SAMD12: variants seen among roughly 807,000 people sequenced by gnomAD.
The protein encoded by SAMD12 is sterile alpha motif domain-containing protein 12.
A neutral mutation model predicts 15.0 loss-of-function variants in SAMD12; 9 were observed. The ratio of observed to expected loss-of-function variants is 0.60; its 90% CI spans 0.36 to 1.05. SAMD12 has a LOEUF of 1.05. Ranked by LOEUF, SAMD12 falls within the 50% of genes least tolerant of loss-of-function variation. SAMD12 has a pLI of 0.01. For missense variants in SAMD12, 230 were observed against 234.2 expected (o/e 0.98, Z 0.12); for synonymous variants, 86 against 90.1 (o/e 0.96, Z 0.25).
intron 4 of SAMD12, among the ~76,000 whole-genome samples, chr8:118,222,840 T>C (rs2129878574): frequency 6.6e-6 from 1 of 152,250 alleles, no homozygotes; most frequent in Non-Finnish European, 1.5e-5. Context: ...GAGCTCTTGG[T>C]GGACTCCCAG....
At position 118,389,591 on chromosome 8, in the gene SAMD12, T is replaced by C. The variant is rs1467955738; in HGVS notation, c.323-9891A>G. Reference sequence around the variant, plus strand: ...TTAGCCAGGCATGGTGGTATGCACCTGTAGTTCCAGCTACTGGGGAGGCTG... The same window carrying C: ...TTAGCCAGGCATGGTGGTATGCACCCGTAGTTCCAGCTACTGGGGAGGCTG... On this transcript the variant is annotated intron_variant, in intron 3 of 3. Coordinates refer to ENST00000314727, the MANE Select transcript of SAMD12 (RefSeq NM_207506.3). 3.3e-5 allele frequency among the ~76,000 whole-genome samples: 5 copies of C among 152,124 alleles called. No homozygotes were observed. In the East Asian group the frequency reaches 9.7e-4, roughly 29 times the overall value.
intron 2 of SAMD12, among the ~76,000 whole-genome samples, chr8:118,504,888 C>T (rs1218604366): frequency 6.6e-6 from 1 of 152,184 alleles, no homozygotes; most frequent in East Asian, 1.9e-4. Context: ...GAAGGTCCAG[C>T]CACAAGCACA....
At chr8:118,302,078 G>GTATTTTTTTTTTT (rs1815063645) in intron 4 of SAMD12, among the ~76,000 whole-genome samples, 1 of 74,692 alleles carries the variant, frequency 1.3e-5, no homozygotes, top group African/African-American at 7.0e-5. Context: ...ATCTTTGAGA[G>GTATTTTTTTTTTT]TTTTTTTTTT....
Position 118,278,209 on chromosome 8 carries a change from C to T in SAMD12, c.434-80477G>A, listed in dbSNP as rs557232932. ...TAAGTCTTTCATAAAAATCTCCTGA[C>T]GTTGGTTCACATAGTAAATCTCATG... On this transcript the variant is annotated intron_variant, in intron 4 of 4. Transcript: ENST00000409003. 5.1e-4 allele frequency among the ~76,000 whole-genome samples: 77 copies of T among 152,308 alleles called. 1 individual carries two copies. Among genetic ancestry groups the T allele is most frequent in the East Asian group, 1.2e-3 (6 of 5,182 alleles).
intron 4 of SAMD12, among the ~76,000 whole-genome samples, chr8:118,274,174 C>T (rs181222665): frequency 2.6e-5 from 4 of 152,246 alleles, no homozygotes; most frequent in African/African-American, 9.6e-5. Flanking sequence ...AAGAGTGCTG[C>T]ATGACATGAA....
chr8:118,509,496 C>T (rs763685438), intron 2 of SAMD12, among the ~76,000 whole-genome samples: 1 of 152,122 alleles, frequency 6.6e-6, no homozygotes, highest in Non-Finnish European at 1.5e-5. Context: ...GGCTTTGACT[C>T]TGTGGGCAGG....
chr8:118,593,437 A>T (rs539789470), intron 1 of SAMD12, among the ~76,000 whole-genome samples: 15 of 152,212 alleles, frequency 9.9e-5, no homozygotes, highest in Non-Finnish European at 2.1e-4. Context: ...ATACTTCTGA[A>T]TGTACCTTGG....
the SAMD12 span, among the ~76,000 whole-genome samples, chr8:118,163,874 C>CAAACAAAACAAAACA: frequency 0.03 from 4,429 of 149,250 alleles, 116 homozygotes; most frequent in South Asian, 0.092. Context: ...GACTCCGTCT[C>CAAACAAAACAAAACA]AAACAAAACA....
rs150461050 is a variant in SAMD12, at chr8:118,522,644, C to A, written c.192+58071G>T. Among the ~76,000 whole-genome samples, 516 of 152,270 alleles carry A rather than the reference C, an allele frequency of 3.4e-3. 2 individuals carry two copies. The highest frequency in any genetic ancestry group is 0.011 in the African/African-American group (442 of 41,544). On this transcript the variant is annotated intron_variant, in intron 2 of 3. Coordinates refer to ENST00000314727, the MANE Select transcript of SAMD12 (RefSeq NM_207506.3). ...AGTTAATATCCAGTTTAATTGTAAA[C>A]CTTGTCAGCATGTCTTTCCAGATTT...
chr8:118,299,058 A>T (rs1814878227), intron 4 of SAMD12, among the ~76,000 whole-genome samples: 1 of 152,156 alleles, frequency 6.6e-6, no homozygotes, highest in Non-Finnish European at 1.5e-5. Context: ...TATATCTGGG[A>T]AAAGTCATTG....
intron 4 of SAMD12, among the ~76,000 whole-genome samples, chr8:118,268,341 T>A (rs1024769457): frequency 6.6e-6 from 1 of 152,220 alleles, no homozygotes; most frequent in Non-Finnish European, 1.5e-5. Context: ...CACTGACTAT[T>A]TAAATGCTAT....
intron 3 of SAMD12, among the ~76,000 whole-genome samples, chr8:118,392,831 A>G (rs550479552): frequency 1.3e-5 from 2 of 149,580 alleles, no homozygotes; most frequent in South Asian, 2.2e-4. Context: ...CTAGATGACA[A>G]TAATACTCCC....
At chr8:118,417,083 G>GT (rs1260609735) in intron 3 of SAMD12, among the ~76,000 whole-genome samples, 3 of 151,258 alleles carry the variant, frequency 2.0e-5, no homozygotes, top group Non-Finnish European at 4.4e-5. Flanking sequence ...GAATAGTTTT[G>GT]TTTTTTGTTT....
chr8:118,163,597 C>T, the SAMD12 span, among the ~76,000 whole-genome samples: 4 of 150,500 alleles, frequency 2.7e-5, no homozygotes, highest in Non-Finnish European at 4.4e-5. Flanking sequence ...GAGCTTCAGC[C>T]GGGTGCGGTG....
At chr8:118,386,261 G>C (rs888550150) in intron 3 of SAMD12, among the ~76,000 whole-genome samples, 1 of 152,172 alleles carries the variant, frequency 6.6e-6, no homozygotes, top group African/African-American at 2.4e-5. Flanking sequence ...TGTAGGACAC[G>C]AAACATTCTC....
chr8:118,255,184 A>G (rs772605789), intron 4 of SAMD12, among the ~76,000 whole-genome samples: 5 of 152,066 alleles, frequency 3.3e-5, no homozygotes, highest in Non-Finnish European at 5.9e-5. Context: ...ATCTAAAAAG[A>G]GCCAGGTGTG....
chr8:118,174,032 A>G, the SAMD12 span, among the ~76,000 whole-genome samples: 15 of 152,342 alleles, frequency 9.8e-5, no homozygotes, highest in Non-Finnish European at 5.9e-5. Context: ...AAAAGAAAAA[A>G]TTGTTCTGAG....
At chr8:118,324,074 T>A (rs1290957792) in intron 4 of SAMD12, among the ~76,000 whole-genome samples, 2 of 152,242 alleles carry the variant, frequency 1.3e-5, no homozygotes, top group African/African-American at 4.8e-5. Flanking sequence ...TTTTTGCCGA[T>A]TCCTTCTAAC....
chr8:118,551,694 A>C, intron 2 of SAMD12, among the ~76,000 whole-genome samples: 1 of 149,532 alleles, frequency 6.7e-6, no homozygotes, highest in Non-Finnish European at 1.5e-5. Flanking sequence ...AACTGAAGGA[A>C]ATAGAGACAC....
Sources: gnomAD v4.1 joint callset for allele counts (sites outside exome capture counted in the v4.1 genomes callset) on GRCh38, gnomAD v4.1.1 for gene constraint, MANE v1.5 for transcripts, NCBI Gene and HGNC (gene_info 2026-07-23, HGNC 2026-07-21) for gene names.